Variants in RBM33 observed in about 807,000 individuals in gnomAD.
The protein encoded by RBM33 is RNA binding motif protein 33, also known as RNA-binding protein 33.
A neutral mutation model predicts 132.6 loss-of-function variants in RBM33; 28 were observed. The observed-to-expected ratio is 0.21, with a 90% CI of 0.16 to 0.29. RBM33 has a LOEUF of 0.29. Ranked by LOEUF, RBM33 falls within the 10% of genes least tolerant of loss-of-function variation. RBM33 has a pLI of 1.00. For missense variants in RBM33, 1,291 were observed against 1,518.5 expected (o/e 0.85, Z 2.49); for synonymous variants, 634 against 593.0 (o/e 1.07, Z -1.01).
At chr7:155,686,735 T>C (rs1267763017) in intron 5 of RBM33, among the ~76,000 whole-genome samples, 1 of 152,106 alleles carries the variant, frequency 6.6e-6, no homozygotes, top group African/African-American at 2.4e-5. Context: ...CAGTGTTTGG[T>C]TTTTTGTCCT....
In RBM33 at chr7:155,691,537, C is replaced by T. The variant is rs150957103; in HGVS notation, c.568-9236C>T. Among the ~76,000 whole-genome samples the T allele has an allele frequency of 9.0e-3, 1,370 of 152,124 alleles. 10 individuals are homozygous for T. The highest frequency in any genetic ancestry group is 0.013 in the Non-Finnish European group (878 of 67,972). On this transcript the variant is annotated intron_variant, in intron 5 of 17. Coordinates refer to ENST00000401878, the MANE Select transcript of RBM33 (RefSeq NM_053043.3). Reference sequence around the variant, plus strand: ...ATATTTTCTTTATTCTTCCCTGATACTCTATAATATTTGTAGCATATCTTA... The same window carrying T: ...ATATTTTCTTTATTCTTCCCTGATATTCTATAATATTTGTAGCATATCTTA...
chr7:155,690,240 CTT>C (rs1342186056), intron 5 of RBM33, among the ~76,000 whole-genome samples: 1 of 152,126 alleles, frequency 6.6e-6, no homozygotes, highest in Non-Finnish European at 1.5e-5. Context: ...TTCTTTGTCT[CTT>C]TTGATCTTTT....
intron 14 of RBM33, among the ~76,000 whole-genome samples, chr7:155,752,827 A>C (rs1427722344): frequency 6.6e-6 from 1 of 151,932 alleles, no homozygotes; most frequent in Non-Finnish European, 1.5e-5. Flanking sequence ...GTCTTCTGGG[A>C]CGCCTCCCTG....
intron 3 of RBM33, among the ~76,000 whole-genome samples, chr7:155,676,608 G>C (rs145013638): frequency 6.6e-6 from 1 of 152,194 alleles, no homozygotes; most frequent in Non-Finnish European, 1.5e-5. Context: ...TTGAGAGAAA[G>C]GATTTCACTA....
chr7:155,672,783 G>T, intron 2 of RBM33, 84 bp from the exon 3 acceptor site: 11 of 829,018 alleles, frequency 1.3e-5, no homozygotes, highest in African/African-American at 1.8e-5. Flanking sequence ...GAGCTGTAGA[G>T]TTCTTGGTAA....
At chr7:155,768,763 C>G (rs1033506628) in intron 16 of RBM33, among the ~76,000 whole-genome samples, 1 of 152,178 alleles carries the variant, frequency 6.6e-6, no homozygotes, top group African/African-American at 2.4e-5. Context: ...ACTACAGACG[C>G]GTGCCACGCC....
intron 6 of RBM33, among the ~76,000 whole-genome samples, chr7:155,705,499 A>G (rs1800087730): frequency 6.6e-6 from 1 of 152,186 alleles, no homozygotes; most frequent in African/African-American, 2.4e-5. Context: ...CCATATAAAC[A>G]ATTTCAAGAA....
rs1800140446 is a variant in RBM33, at chr7:155,707,133, G to A, written c.948+65G>A. 4.0e-6 allele frequency: 5 copies of A among 1,260,686 alleles called. No individual in the cohort carries two copies. In the South Asian group the frequency reaches 6.6e-5, roughly 17 times the overall value. The allele number at this position is 1,260,686 out of a possible 1,614,324, so 78.1% of individuals were successfully genotyped here. A position where few individuals can be genotyped will look rare whatever the true frequency, so the allele number is the denominator to read the frequency against. On this transcript the variant is annotated intron_variant, in intron 7 of 17. Transcript: ENST00000401878. Reference sequence around the variant, plus strand: ...AACAAATGGCAGTAAGCTTTTGTGGGTATCCTAGTATACATTTCTCTCTTC... The same window carrying A: ...AACAAATGGCAGTAAGCTTTTGTGGATATCCTAGTATACATTTCTCTCTTC...
chr7:155,673,768 G>GCACACACACACACACACA lies in RBM33; in HGVS notation c.171+869_171+886dup, dbSNP rs369116329. Among the ~76,000 whole-genome samples the GCACACACACACACACACA allele has an allele frequency of 7.9e-4, 105 of 132,976 alleles. 3 individuals carry two copies. Among genetic ancestry groups the GCACACACACACACACACA allele is most frequent in the South Asian group, 3.3e-3 (14 of 4,294 alleles). 87.2% of individuals were successfully genotyped at this position (132,976 alleles called of 152,430 possible). A position where few individuals can be genotyped will look rare whatever the true frequency, so the allele number is the denominator to read the frequency against. ...CACGTGTATATACGCGCGCATGCGC[G>GCACACACACACACACACA]CACACACACACACACACACACACAC... On this transcript the variant is annotated intron_variant, in intron 3 of 17. Coordinates refer to ENST00000401878, the MANE Select transcript of RBM33 (RefSeq NM_053043.3).
chr7:155,683,149 A>T (rs563071512), intron 5 of RBM33, among the ~76,000 whole-genome samples: 1 of 152,314 alleles, frequency 6.6e-6, no homozygotes, highest in South Asian at 2.1e-4. Context: ...AGCCGTGGTC[A>T]TTCTTTTCTT....
intron 5 of RBM33, among the ~76,000 whole-genome samples, chr7:155,687,777 A>G (rs1799521792): frequency 6.6e-6 from 1 of 152,222 alleles, no homozygotes; most frequent in Non-Finnish European, 1.5e-5. Flanking sequence ...GTCAAAGATC[A>G]GATGGTTGTA....
intron 8 of RBM33, among the ~76,000 whole-genome samples, chr7:155,713,999 A>C (rs916815327): frequency 2.0e-5 from 3 of 151,652 alleles, no homozygotes; most frequent in Non-Finnish European, 4.4e-5. Context: ...GGTAGCAGGG[A>C]GCTAGAGTGG....
At chr7:155,658,197 C>T (rs1007610193) in intron 1 of RBM33, among the ~76,000 whole-genome samples, 14 of 151,978 alleles carry the variant, frequency 9.2e-5, no homozygotes, top group Non-Finnish European at 1.6e-4. Context: ...ACCCTTTGAT[C>T]GGTATACAGT....
Position 155,745,645 on chromosome 7 carries a change from TC to T in RBM33, c.2979+44del. ...ATGAGAGCCTCTTTGAGTCTGTGTATCACATAGAATGTCCTCATTTGCAGAG... is the reference window on the plus strand; with the variant it reads ...ATGAGAGCCTCTTTGAGTCTGTGTATACATAGAATGTCCTCATTTGCAGAG... On this transcript the variant is annotated intron_variant, in intron 14 of 17. Coordinates refer to ENST00000401878, the MANE Select transcript of RBM33 (RefSeq NM_053043.3). The surrounding 1 kb of genome is among the most constrained non-coding windows in gnomAD (Gnocchi z 4.1). 1 of 1,452,910 alleles carries T rather than the reference TC, an allele frequency of 6.9e-7. No homozygotes were observed. The highest frequency in any genetic ancestry group is 1.4e-5 in the South Asian group (1 of 71,542). 90.0% of individuals were successfully genotyped at this position (1,452,910 alleles called of 1,614,324 possible).
chr7:155,659,404 A>C (rs1320400901), intron 1 of RBM33, among the ~76,000 whole-genome samples: 1 of 152,170 alleles, frequency 6.6e-6, no homozygotes. Context: ...ATATTAATAA[A>C]GAAATTATTA....
At position 155,776,125 on chromosome 7, in the gene RBM33, T is replaced by C. The variant is rs1238100186; in HGVS notation, c.*1084T>C. On this transcript the variant is annotated 3_prime_UTR_variant, in exon 18 of 18. Coordinates refer to ENST00000401878, the MANE Select transcript of RBM33 (RefSeq NM_053043.3). This position sits in a 1 kb window ranked among gnomAD's most constrained non-coding sequence, Gnocchi z 4.0. ...ACTGCTTTTCGTAATTGCGGGTAGG[T>C]TCCTGTAGGTGAGACATATTCTCCA... 1 of 152,564 alleles carries C rather than the reference T, an allele frequency of 6.6e-6. No homozygotes were observed. The highest frequency in any genetic ancestry group is 6.5e-5 in the Admixed American group (1 of 15,284). 9.5% of individuals were successfully genotyped at this position (152,564 alleles called of 1,614,324 possible).
intron 9 of RBM33, among the ~76,000 whole-genome samples, chr7:155,724,048 G>A (rs1800705244): frequency 6.6e-6 from 1 of 152,136 alleles, no homozygotes; most frequent in African/African-American, 2.4e-5. Context: ...CCTGTGAAAT[G>A]TTGGACACAG....
At chr7:155,734,887 G>A (rs748758243) in intron 9 of RBM33, among the ~76,000 whole-genome samples, 2 of 146,814 alleles carry the variant, frequency 1.4e-5, no homozygotes, top group Non-Finnish European at 3.0e-5. Flanking sequence ...ATTCTGAGAA[G>A]CATCATTTAA....
intron 2 of RBM33, among the ~76,000 whole-genome samples, chr7:155,667,752 G>A (rs374107567): frequency 6.6e-6 from 1 of 152,012 alleles, no homozygotes. Context: ...TCCCTTCCTT[G>A]TATTCTAGAT....
Sources: gnomAD v4.1 joint callset for allele counts (sites outside exome capture counted in the v4.1 genomes callset) on GRCh38, gnomAD v4.1.1 for gene constraint, Gnocchi (gnomAD v3.1) non-coding constraint, MANE v1.5 for transcripts, NCBI Gene and HGNC (gene_info 2026-07-23, HGNC 2026-07-21) for gene names.